PHF24: variants seen among roughly 807,000 people sequenced by gnomAD.
PHF24 encodes Galpha inhibitory interacting protein.
Under a neutral mutation model 42.6 loss-of-function variants are expected in PHF24, and 25 were observed. The ratio of observed to expected loss-of-function variants is 0.59; its 90% CI spans 0.43 to 0.82. The LOEUF is 0.82. Among genes scored for constraint, PHF24 ranks in the 40% least tolerant of loss-of-function variants. The pLI is 0.00. For synonymous variants in PHF24, 185 were observed against 204.8 expected, an observed-to-expected ratio of 0.90 and a Z score of 0.83; for missense variants, 470 against 538.1, an observed-to-expected ratio of 0.87 and a Z score of 1.25.
the PHF24 span, among the ~76,000 whole-genome samples, chr9:34,919,913 T>TTGTG: frequency 6.6e-6 from 1 of 152,190 alleles, no homozygotes; most frequent in Non-Finnish European, 1.5e-5. Context: ...TAGTACTCCA[T>TTGTG]TGTGTATATG....
chr9:34,706,202 CTG>C, the PHF24 span, among the ~76,000 whole-genome samples: 17,009 of 151,940 alleles, frequency 0.11, 1,994 homozygotes, highest in African/African-American at 0.29. Context: ...ATAATATAAA[CTG>C]TAATTATGAT....
the PHF24 span, among the ~76,000 whole-genome samples, chr9:34,712,468 C>A: frequency 2.7e-4 from 41 of 152,084 alleles, no homozygotes; most frequent in Admixed American, 1.5e-3. Flanking sequence ...TATTTTTCTT[C>A]TCATACTTGA....
intron 3 of PHF24, among the ~76,000 whole-genome samples, chr9:34,973,269 C>CA (rs1287216647): frequency 8.5e-5 from 13 of 152,116 alleles, no homozygotes; most frequent in African/African-American, 2.9e-4. Flanking sequence ...AGCTTGCTTC[C>CA]AGTAGGGGTA....
At chr9:34,763,258 G>A in the PHF24 span, among the ~76,000 whole-genome samples, 40 of 152,262 alleles carry the variant, frequency 2.6e-4, no homozygotes, top group African/African-American at 9.1e-4. Flanking sequence ...GCTTGATGGG[G>A]ATGGCATTGA....
the PHF24 span, among the ~76,000 whole-genome samples, chr9:34,694,159 C>CTTTT: frequency 5.3e-4 from 35 of 66,178 alleles, no homozygotes; most frequent in Non-Finnish European, 7.1e-4. Context: ...TATCTCTATT[C>CTTTT]TTTTTTTTTT....
chr9:34,911,245 CTTTTCTTTTTCT>C, the PHF24 span, among the ~76,000 whole-genome samples: 37 of 151,544 alleles, frequency 2.4e-4, no homozygotes, highest in African/African-American at 8.2e-4. Flanking sequence ...GTTTTCTTTT[CTTTTCTTTTTCT>C]TTTTCTTTTT....
the PHF24 span, among the ~76,000 whole-genome samples, chr9:34,765,780 A>T: frequency 2.6e-5 from 4 of 152,166 alleles, no homozygotes; most frequent in Non-Finnish European, 4.4e-5. Flanking sequence ...TAGTTGATGC[A>T]GTTTCTTCCT....
At chr9:34,882,638 T>C in the PHF24 span, among the ~76,000 whole-genome samples, 1 of 152,072 alleles carries the variant, frequency 6.6e-6, no homozygotes, top group African/African-American at 2.4e-5. Context: ...ATAAAATACC[T>C]AGGAATCTAA....
chr9:34,704,162 G>C, the PHF24 span, among the ~76,000 whole-genome samples: 3 of 151,978 alleles, frequency 2.0e-5, no homozygotes, highest in Non-Finnish European at 4.4e-5. Flanking sequence ...AAGTCGCTAG[G>C]ACAATAGGCC....
At chr9:34,887,504 C>G in the PHF24 span, among the ~76,000 whole-genome samples, 2 of 152,178 alleles carry the variant, frequency 1.3e-5, no homozygotes. Flanking sequence ...TCACTGGCTT[C>G]CTTGTTCCTT....
the PHF24 span, among the ~76,000 whole-genome samples, chr9:34,753,191 CA>C: frequency 6.6e-6 from 1 of 151,892 alleles, no homozygotes; most frequent in Non-Finnish European, 1.5e-5. Context: ...GAGTAAGAAA[CA>C]AAGGGCAAAA....
the PHF24 span, among the ~76,000 whole-genome samples, chr9:34,823,204 A>C: frequency 3.6e-5 from 1 of 27,970 alleles, no homozygotes; most frequent in South Asian, 7.2e-4. Flanking sequence ...CTCCGTCTCA[A>C]AAAAAAAAAA....
At chr9:34,872,237 G>C in the PHF24 span, among the ~76,000 whole-genome samples, 4 of 149,676 alleles carry the variant, frequency 2.7e-5, no homozygotes, top group African/African-American at 9.8e-5. Flanking sequence ...TTAAGTTTTA[G>C]GGTACATGTG....
At chr9:34,927,283 G>A in the PHF24 span, among the ~76,000 whole-genome samples, 1 of 152,274 alleles carries the variant, frequency 6.6e-6, no homozygotes, top group East Asian at 1.9e-4. Flanking sequence ...ATGGCATTCA[G>A]CCAACCGTGT....
chr9:34,698,301 T>C, the PHF24 span, among the ~76,000 whole-genome samples: 1 of 152,104 alleles, frequency 6.6e-6, no homozygotes, highest in African/African-American at 2.4e-5. Flanking sequence ...TTTTTCAAGA[T>C]GTGGTGAAAT....
chr9:34,851,621 A>G, the PHF24 span, among the ~76,000 whole-genome samples: 54,508 of 151,844 alleles, frequency 0.36, 10,139 homozygotes, highest in East Asian at 0.67. Flanking sequence ...TCCTGCGCCC[A>G]CTCTCTGGCA....
At chr9:34,843,002 G>T in the PHF24 span, among the ~76,000 whole-genome samples, 1 of 152,102 alleles carries the variant, frequency 6.6e-6, no homozygotes. Context: ...TGCACTCTGT[G>T]TCATCCATTT....
the PHF24 span, among the ~76,000 whole-genome samples, chr9:34,854,986 T>G: frequency 6.6e-6 from 1 of 152,230 alleles, no homozygotes; most frequent in Non-Finnish European, 1.5e-5. Flanking sequence ...ATATTTAGGA[T>G]AGTTAGCTCT....
At chr9:34,975,778 G>A (rs572518566) in intron 3 of PHF24, among the ~76,000 whole-genome samples, 3 of 151,666 alleles carry the variant, frequency 2.0e-5, no homozygotes, top group South Asian at 4.2e-4. Flanking sequence ...AGATGGAGCC[G>A]CTCTGCTTGA....
Sources: allele counts gnomAD v4.1 joint callset (sites outside exome capture counted in the v4.1 genomes callset), GRCh38; gene constraint gnomAD v4.1.1; transcripts MANE v1.5; gene names NCBI Gene and HGNC (gene_info 2026-07-23, HGNC 2026-07-21).